Variants in SRGAP1 observed in about 807,000 individuals in gnomAD.
SRGAP1 encodes the protein SLIT-ROBO Rho GTPase-activating protein 1.
SRGAP1 carries 43 observed loss-of-function variants against 121.9 expected under a neutral mutation model. That is an observed-to-expected ratio of 0.35 (90% CI 0.28 to 0.46). SRGAP1 has a LOEUF of 0.46. SRGAP1 is among the 20% of genes least tolerant of loss of function. SRGAP1 has a pLI of 1.00. For missense variants in SRGAP1, 1,102 were observed against 1,350.9 expected (o/e 0.82, Z 2.89); for synonymous variants, 447 against 485.4 (o/e 0.92, Z 1.04).
intron 1 of SRGAP1, among the ~76,000 whole-genome samples, chr12:63,932,463 A>G (rs1445311844): frequency 6.6e-6 from 1 of 152,200 alleles, no homozygotes; most frequent in Non-Finnish European, 1.5e-5. Context: ...TTCCCAACAG[A>G]TCTTATACAA....
intron 1 of SRGAP1, among the ~76,000 whole-genome samples, chr12:63,859,188 T>C (rs1390337677): frequency 1.3e-5 from 2 of 152,188 alleles, no homozygotes; most frequent in African/African-American, 4.8e-5. Flanking sequence ...TTTGTCTTTT[T>C]TGAGACGAGG....
At chr12:63,943,745 C>T (rs2031945481) in intron 1 of SRGAP1, among the ~76,000 whole-genome samples, 1 of 151,994 alleles carries the variant, frequency 6.6e-6, no homozygotes, top group African/African-American at 2.4e-5. Context: ...ATGCAGTGGG[C>T]CATGGGGTAT....
At chr12:63,892,408 A>G (rs1900616651) in intron 1 of SRGAP1, among the ~76,000 whole-genome samples, 1 of 152,236 alleles carries the variant, frequency 6.6e-6, no homozygotes, top group Admixed American at 6.5e-5. Context: ...AAAATATTCT[A>G]GACAAATGCC....
chr12:64,079,001 A>G lies in SRGAP1; in HGVS notation c.1208A>G (p.Gln403Arg), dbSNP rs1342885778. The change falls in exon 9 of 22, where the codon CAG becomes CGG. Residue 403 changes from glutamine (Q) to arginine (R), a missense_variant. This residue lies in a region of SRGAP1 where 747 missense variants were observed against 929.4 expected (regional missense o/e 0.80). Coordinates refer to ENST00000355086, the MANE Select transcript of SRGAP1 (RefSeq NM_020762.4). Reference protein sequence around the residue: ...IEDYDVSECFQHSRSTESVKS... With the variant: ...IEDYDVSECFRHSRSTESVKS... The stretch of plus-strand genomic sequence containing the variant: ...GACTATGATGTTTCTGAATGCTTCC[A>G]GCACAGTCGTTCCACAGAATCAGTG... 1 of 1,614,158 alleles carries G rather than the reference A, an allele frequency of 6.2e-7. No individual in the cohort carries two copies. Among genetic ancestry groups the G allele is most frequent in the Non-Finnish European group, 8.5e-7 (1 of 1,179,998 alleles).
intron 1 of SRGAP1, among the ~76,000 whole-genome samples, chr12:63,854,421 T>G (rs1485926927): frequency 1.3e-5 from 2 of 152,174 alleles, no homozygotes; most frequent in Admixed American, 6.5e-5. Flanking sequence ...AGATACATGC[T>G]GAGTAATAAT....
intron 1 of SRGAP1, among the ~76,000 whole-genome samples, chr12:63,880,485 C>T (rs886588632): frequency 7.9e-5 from 12 of 152,170 alleles, no homozygotes; most frequent in Admixed American, 5.2e-4. Context: ...CCCCTCCCAT[C>T]GGCCTCCGAA....
intron 4 of SRGAP1, among the ~76,000 whole-genome samples, chr12:64,019,777 T>C (rs963366870): frequency 6.6e-6 from 1 of 152,210 alleles, no homozygotes; most frequent in African/African-American, 2.4e-5. Context: ...GGTTCCCCAT[T>C]CAACCACTCA....
intron 1 of SRGAP1, among the ~76,000 whole-genome samples, chr12:63,848,320 GA>G (rs1179822400): frequency 6.6e-6 from 1 of 151,978 alleles, no homozygotes; most frequent in Admixed American, 6.6e-5. Context: ...CCCAGATATG[GA>G]ATTTTGCCAC....
chr12:63,902,154 A>T (rs2029968418), intron 1 of SRGAP1, among the ~76,000 whole-genome samples: 1 of 152,216 alleles, frequency 6.6e-6, no homozygotes, highest in Admixed American at 6.5e-5. Context: ...ATCGCTATTA[A>T]AAAATTTATT....
chr12:63,908,264 A>C (rs935996882), intron 1 of SRGAP1, among the ~76,000 whole-genome samples: 2 of 151,972 alleles, frequency 1.3e-5, no homozygotes, highest in African/African-American at 2.4e-5. Flanking sequence ...TGAGATTTTG[A>C]TAGGGATTGC....
At chr12:63,946,641 T>C (rs2032058323) in intron 1 of SRGAP1, among the ~76,000 whole-genome samples, 1 of 151,960 alleles carries the variant, frequency 6.6e-6, no homozygotes, top group Non-Finnish European at 1.5e-5. Context: ...CCTGCTGGGT[T>C]CAAGCAATTC....
intron 1 of SRGAP1, among the ~76,000 whole-genome samples, chr12:63,959,918 A>T (rs2032588172): frequency 6.6e-6 from 1 of 152,216 alleles, no homozygotes. Flanking sequence ...CTTTACTCAG[A>T]TGAATTCATC....
chr12:63,978,548 A>G (rs1223150037), intron 1 of SRGAP1, among the ~76,000 whole-genome samples: 1 of 152,196 alleles, frequency 6.6e-6, no homozygotes, highest in Non-Finnish European at 1.5e-5. Flanking sequence ...ATTCCTTTTT[A>G]TGGCTAAACA....
At chr12:64,038,075 T>C (rs1045964316) in intron 4 of SRGAP1, among the ~76,000 whole-genome samples, 2 of 152,206 alleles carry the variant, frequency 1.3e-5, no homozygotes, top group Admixed American at 1.3e-4. Context: ...CTGTGCCAGC[T>C]GTGTGACCTT....
chr12:63,912,987 C>T (rs1023399407), intron 1 of SRGAP1, among the ~76,000 whole-genome samples: 4 of 152,034 alleles, frequency 2.6e-5, no homozygotes, highest in African/African-American at 4.8e-5. Flanking sequence ...CCTTAGTCCT[C>T]ATTTTGAAAT....
chr12:63,882,547 G>A (rs1273070229), intron 1 of SRGAP1, among the ~76,000 whole-genome samples: 53 of 152,168 alleles, frequency 3.5e-4, no homozygotes, highest in Admixed American at 3.5e-3. Flanking sequence ...GCCTCCCAAA[G>A]TGCTGGGATT....
rs774085366 is a variant in SRGAP1 at position 64,142,619 on chromosome 12, A to G, written c.3205A>G (p.Ile1069Val). The G allele has an allele frequency of 1.9e-6, 3 of 1,614,134 alleles. No individual in the cohort carries two copies. The highest frequency in any genetic ancestry group is 1.1e-5 in the South Asian group (1 of 91,086). ...PAVLPKTNPT[I>V]GPAPPPQGPT... ...TGTTCTTCCAAAAACAAATCCTACC[A>G]TAGGACCTGCCCCACCTCCCCAGGG... is the stretch of plus-strand genomic sequence containing the variant. The change falls in exon 22 of 22, where the codon ATA becomes GTA. Residue 1069 changes from isoleucine to valine, a missense_variant. Physicochemically the swap from Ile to Val is conservative, Grantham distance 29 (BLOSUM62 3). Coordinates refer to ENST00000355086, the MANE Select transcript of SRGAP1 (RefSeq NM_020762.4).
At chr12:64,100,693 C>G (rs974437520) in intron 15 of SRGAP1, among the ~76,000 whole-genome samples, 1 of 152,152 alleles carries the variant, frequency 6.6e-6, no homozygotes. Flanking sequence ...TACATATTGA[C>G]ACTAACAACC....
intron 1 of SRGAP1, among the ~76,000 whole-genome samples, chr12:63,908,061 A>G (rs1055904156): frequency 6.6e-6 from 1 of 152,134 alleles, no homozygotes; most frequent in African/African-American, 2.4e-5. Context: ...ATTGATGTAT[A>G]TTGATGCATA....
Sources: allele counts gnomAD v4.1 joint callset (sites outside exome capture counted in the v4.1 genomes callset), GRCh38; gene constraint gnomAD v4.1.1; regional missense constraint gnomAD v4.1.1; transcripts MANE v1.5; gene names NCBI Gene and HGNC (gene_info 2026-07-23, HGNC 2026-07-21).